TTC29: variants seen among roughly 807,000 people sequenced by gnomAD.
TTC29 encodes tetratricopeptide repeat domain 29.
In TTC29, 49 loss-of-function variants were observed where a neutral mutation model predicts 58.1. That is an observed-to-expected ratio of 0.84 (90% confidence interval 0.67 to 1.07). The LOEUF is 1.07. Ranked by LOEUF, TTC29 falls within the 50% of genes least tolerant of loss-of-function variation. The probability of loss-of-function intolerance (pLI) is 0.00; values close to 1 mark genes in which losing one functional copy is unlikely to be tolerated. For synonymous variants in TTC29, 209 were observed against 196.8 expected, an observed-to-expected ratio of 1.06 and a Z score of -0.52; for missense variants, 582 against 555.6, an observed-to-expected ratio of 1.05 and a Z score of -0.48.
intron 11 of TTC29, among the ~76,000 whole-genome samples, chr4:146,728,860 C>CACATATATATGTATATATATGT (rs1561066862): frequency 1.6e-5 from 1 of 62,026 alleles, no homozygotes; most frequent in Non-Finnish European, 3.7e-5. Context: ...TATATATACA[C>CACATATATATGTATATATATGT]ATATATATGT....
chr4:146,733,376 T>C (rs943417588), intron 11 of TTC29, among the ~76,000 whole-genome samples: 3 of 152,158 alleles, frequency 2.0e-5, no homozygotes, highest in African/African-American at 7.2e-5. Context: ...ATGTTTGATA[T>C]ACTTCTGTAA....
intron 4 of TTC29, among the ~76,000 whole-genome samples, chr4:146,922,257 TAAAA>T (rs57324993): frequency 6.7e-6 from 1 of 149,010 alleles, no homozygotes; most frequent in Non-Finnish European, 1.5e-5. Flanking sequence ...CTCAGGATGA[TAAAA>T]AAAAACCCTA....
intron 11 of TTC29, among the ~76,000 whole-genome samples, chr4:146,737,725 A>G (rs1263554761): frequency 6.6e-6 from 1 of 151,996 alleles, no homozygotes; most frequent in Non-Finnish European, 1.5e-5. Context: ...ATGGGTTTGG[A>G]TGGCCATCGT....
At chr4:146,800,406 T>C (rs894489232) in intron 11 of TTC29, among the ~76,000 whole-genome samples, 1 of 152,320 alleles carries the variant, frequency 6.6e-6, no homozygotes, top group Admixed American at 6.5e-5. Flanking sequence ...GCTTTTAAAA[T>C]GTATCTTTCA....
chr4:146,933,554 T>C (rs1283687997), intron 4 of TTC29, among the ~76,000 whole-genome samples: 2 of 152,226 alleles, frequency 1.3e-5, no homozygotes, highest in Admixed American at 1.3e-4. Flanking sequence ...TCTTCGGACA[T>C]GACTGTCTGT....
chr4:146,758,520 A>G (rs1357512667), intron 11 of TTC29, among the ~76,000 whole-genome samples: 1 of 152,178 alleles, frequency 6.6e-6, no homozygotes, highest in Non-Finnish European at 1.5e-5. Context: ...CGTTTCATCC[A>G]ACAACCACAG....
At chr4:146,719,818 C>G (rs1346814964) in intron 11 of TTC29, among the ~76,000 whole-genome samples, 2 of 151,872 alleles carry the variant, frequency 1.3e-5, no homozygotes, top group Non-Finnish European at 2.9e-5. Flanking sequence ...ATGGATTCAG[C>G]TTCATAAAGT....
At chr4:146,848,958 C>T (rs1344904363) in intron 8 of TTC29, among the ~76,000 whole-genome samples, 1 of 152,184 alleles carries the variant, frequency 6.6e-6, no homozygotes, top group Non-Finnish European at 1.5e-5. Flanking sequence ...CAAGGTGCAT[C>T]CCAGCCTGGG....
At chr4:146,885,243 C>CAA (rs199676126) in intron 6 of TTC29, among the ~76,000 whole-genome samples, 1 of 149,562 alleles carries the variant, frequency 6.7e-6, no homozygotes, top group Non-Finnish European at 1.5e-5. Flanking sequence ...TGCAATAAAG[C>CAA]AAAAAAAAGG....
intron 7 of TTC29, among the ~76,000 whole-genome samples, chr4:146,870,226 C>T (rs566732303): frequency 5.9e-5 from 9 of 151,700 alleles, no homozygotes; most frequent in East Asian, 5.8e-4. Context: ...GAAACTTGCA[C>T]GTATGTGGAA....
chr4:146,735,752 T>C (rs1170004603), intron 11 of TTC29, among the ~76,000 whole-genome samples: 4 of 152,182 alleles, frequency 2.6e-5, no homozygotes, highest in Non-Finnish European at 1.5e-5. Context: ...CCTTTCTACA[T>C]GGGCACCCAA....
intron 6 of TTC29, among the ~76,000 whole-genome samples, chr4:146,894,741 T>C (rs1009462487): frequency 3.9e-5 from 6 of 152,102 alleles, no homozygotes; most frequent in African/African-American, 1.2e-4. Flanking sequence ...TAGTTCCTTA[T>C]AGCAATGTGA....
At chr4:146,810,404 TA>T (rs931298088) in intron 10 of TTC29, among the ~76,000 whole-genome samples, 15 of 152,102 alleles carry the variant, frequency 9.9e-5, no homozygotes, top group East Asian at 3.9e-4. Flanking sequence ...AAAGTATATA[TA>T]AAAAAAGTCT....
At chr4:146,831,142 A>T (rs1313433720) in intron 9 of TTC29, among the ~76,000 whole-genome samples, 1 of 152,224 alleles carries the variant, frequency 6.6e-6, no homozygotes, top group African/African-American at 2.4e-5. Flanking sequence ...TGACCTCAGA[A>T]TAAGCATCCC....
chr4:146,713,115 T>TGC (rs770374053), intron 11 of TTC29, among the ~76,000 whole-genome samples: 4 of 148,766 alleles, frequency 2.7e-5, no homozygotes, highest in Non-Finnish European at 6.0e-5. Context: ...ATTGATCGTG[T>TGC]GTGTGTGTGT....
chr4:146,850,262 AAAGTT>A, intron 8 of TTC29, among the ~76,000 whole-genome samples: 1 of 152,150 alleles, frequency 6.6e-6, no homozygotes, highest in Non-Finnish European at 1.5e-5. Flanking sequence ...TTGTCTCTTT[AAAGTT>A]AAGGAGACAA....
At chr4:146,766,328 A>G (rs1328285438) in intron 11 of TTC29, among the ~76,000 whole-genome samples, 2 of 152,040 alleles carry the variant, frequency 1.3e-5, no homozygotes, top group Non-Finnish European at 2.9e-5. Context: ...GGCAAGTACC[A>G]CAGAACAAAT....
chr4:146,750,906 C>T (rs1745936660), intron 11 of TTC29, among the ~76,000 whole-genome samples: 1 of 152,066 alleles, frequency 6.6e-6, no homozygotes, highest in African/African-American at 2.4e-5. Context: ...TTAAATTATC[C>T]AATCAAAAGA....
intron 6 of TTC29, among the ~76,000 whole-genome samples, chr4:146,882,070 T>A (rs1372352775): frequency 6.6e-6 from 1 of 152,120 alleles, no homozygotes; most frequent in Non-Finnish European, 1.5e-5. Context: ...GTAGACAGGT[T>A]TGGGAGAACC....
Sources: gnomAD v4.1 joint callset for allele counts (sites outside exome capture counted in the v4.1 genomes callset) on GRCh38, gnomAD v4.1.1 for gene constraint, MANE v1.5 for transcripts, NCBI Gene and HGNC (gene_info 2026-07-23, HGNC 2026-07-21) for gene names.